The following NCOR2 variants were observed in gnomAD, a reference collection of about 807,000 sequenced individuals.
NCOR2 encodes the protein nuclear receptor corepressor 2, also known as CTG repeat protein 26.
NCOR2 carries 81 observed loss-of-function variants against 262.9 expected under a neutral mutation model. The ratio of observed to expected loss-of-function variants is 0.31; its 90% CI spans 0.26 to 0.37. The LOEUF is 0.37. Ranked by LOEUF, NCOR2 falls within the 10% of genes least tolerant of loss-of-function variation. The probability of loss-of-function intolerance (pLI) is 1.00; values close to 1 mark genes in which losing one functional copy is unlikely to be tolerated. For synonymous variants in NCOR2, 1,659 were observed against 1,559.3 expected, an observed-to-expected ratio of 1.06 and a Z score of -1.51; for missense variants, 3,385 against 3,621.4, an observed-to-expected ratio of 0.93 and a Z score of 1.68.
rs2038786985 is a variant in NCOR2 at position 124,363,589 on chromosome 12, C to T, written c.2928+90G>A. 1.5e-5 allele frequency: 18 copies of T among 1,174,980 alleles called. No individual in the cohort carries two copies. In the South Asian group the frequency reaches 5.6e-4, roughly 36 times the overall value. The allele number at this position is 1,174,980 out of a possible 1,614,324, so 72.8% of individuals were successfully genotyped here. Reference sequence around the variant, plus strand: ...AAGCGGATGAGCTAGGCTGCAGGTGCATGCTCCCGCCCGTGGGATTCTCTG... The same window carrying T: ...AAGCGGATGAGCTAGGCTGCAGGTGTATGCTCCCGCCCGTGGGATTCTCTG... On this transcript the variant is annotated intron_variant, in intron 21 of 46. Coordinates refer to ENST00000405201, the Ensembl canonical transcript of NCOR2.
At chr12:124,336,880 C>T (rs538165631) in exon 38 of NCOR2, 141 of 1,609,246 alleles carry the variant, frequency 8.8e-5, no homozygotes, top group Non-Finnish European at 1.0e-4. Context: ...CGAGGTTCTT[C>T]GCAGGGGTGC....
exon 47 of NCOR2, chr12:124,325,468 G>A (rs766809851): frequency 8.1e-6 from 11 of 1,350,684 alleles, no homozygotes; most frequent in East Asian, 6.2e-5. Flanking sequence ...CGTCCCAGGC[G>A]TGGTGGGGGC....
chr12:124,527,164 C>A (rs537906333), intron 1 of NCOR2, among the ~76,000 whole-genome samples: 18 of 152,158 alleles, frequency 1.2e-4, no homozygotes, highest in Non-Finnish European at 1.9e-4. Flanking sequence ...CAGCAAATCC[C>A]TGAACAGGCC....
intron 1 of NCOR2, among the ~76,000 whole-genome samples, chr12:124,560,804 G>C (rs1226415223): frequency 6.6e-6 from 1 of 152,144 alleles, no homozygotes; most frequent in Admixed American, 6.5e-5. Context: ...TTTTTTACAA[G>C]TCAATGCATT....
intron 1 of NCOR2, among the ~76,000 whole-genome samples, chr12:124,520,597 A>G (rs1482376888): frequency 6.6e-6 from 1 of 152,016 alleles, no homozygotes; most frequent in Non-Finnish European, 1.5e-5. Flanking sequence ...CCCGCCAGAC[A>G]CTCCGCAGCA....
chr12:124,449,892 A>G, intron 6 of NCOR2, 25 bp from the exon 9 acceptor site: 4 of 1,612,192 alleles, frequency 2.5e-6, no homozygotes, highest in Non-Finnish European at 3.4e-6. Context: ...AGAGAAGCAC[A>G]TCAGAGCCTG....
Position 124,335,202 on chromosome 12 carries a change from G to A in NCOR2, c.6344C>T (p.Pro2115Leu), listed in dbSNP as rs199899276. The A allele has an allele frequency of 3.5e-5, 57 of 1,611,020 alleles. No individual in the cohort carries two copies. Among genetic ancestry groups the A allele is most frequent in the Non-Finnish European group, 4.6e-5 (54 of 1,179,836 alleles). The change falls in exon 40 of 47, where the codon CCG becomes CTG. Residue 2115 changes from proline to leucine, a missense_variant. Physicochemically the swap from Pro to Leu is moderately conservative, Grantham distance 98 (BLOSUM62 -3). Transcript: ENST00000405201. ...GACCCCTGGGGCGGTCTGGAGCAGC[G>A]GGCTGGACGAGGGCTGGCTCTCAGG...
intron 3 of NCOR2, among the ~76,000 whole-genome samples, chr12:124,476,671 C>T (rs1460724864): frequency 1.3e-5 from 2 of 152,206 alleles, no homozygotes; most frequent in African/African-American, 2.4e-5. Flanking sequence ...CCTTTAAACT[C>T]TCCATGGATA....
At chr12:124,501,056 ACGCG>A (rs1203168465) in intron 1 of NCOR2, among the ~76,000 whole-genome samples, 4 of 49,386 alleles carry the variant, frequency 8.1e-5, no homozygotes, top group South Asian at 7.3e-4. Flanking sequence ...GCGCGCGCGC[ACGCG>A]CGCACACACA....
intron 17 of NCOR2, among the ~76,000 whole-genome samples, chr12:124,384,000 G>A (rs1050210339): frequency 2.0e-5 from 3 of 152,144 alleles, no homozygotes; most frequent in Non-Finnish European, 2.9e-5. Context: ...GTCCATGGTC[G>A]TGGGGTGAGG....
At chr12:124,359,109 G>A (rs926659102) in intron 22 of NCOR2, among the ~76,000 whole-genome samples, 6 of 152,208 alleles carry the variant, frequency 3.9e-5, no homozygotes, top group African/African-American at 1.4e-4. Context: ...CCGGGGCTCA[G>A]GCCTGGCTTC....
chr12:124,518,509 C>T (rs914112424), intron 1 of NCOR2, among the ~76,000 whole-genome samples: 12 of 152,276 alleles, frequency 7.9e-5, no homozygotes, highest in Admixed American at 2.0e-4. Context: ...CCTGACCCCA[C>T]GGCTGGGCCG....
intron 13 of NCOR2, among the ~76,000 whole-genome samples, chr12:124,415,241 C>T (rs1328112236): frequency 1.3e-5 from 2 of 152,228 alleles, no homozygotes; most frequent in Non-Finnish European, 2.9e-5. Context: ...CGTCCGTCAC[C>T]GCAGCCTTCC....
At chr12:124,485,919 C>T (rs960514647) in intron 2 of NCOR2, among the ~76,000 whole-genome samples, 2 of 151,864 alleles carry the variant, frequency 1.3e-5, no homozygotes, top group African/African-American at 2.4e-5. Flanking sequence ...CCAGCCCTGG[C>T]CCTCCCCTTG....
At chr12:124,496,016 C>A, upstream of NCOR2, among the ~76,000 whole-genome samples, 1 of 152,270 alleles carries the variant, frequency 6.6e-6, no homozygotes, top group East Asian at 1.9e-4. The surrounding 1 kb of genome is among the most constrained non-coding windows in gnomAD (Gnocchi z 4.4). Context: ...TCGGGCCCTG[C>A]AGCCTAGGGA....
intron 3 of NCOR2, among the ~76,000 whole-genome samples, chr12:124,473,981 G>A (rs957643220): frequency 6.6e-5 from 10 of 152,076 alleles, no homozygotes; most frequent in African/African-American, 1.9e-4. Flanking sequence ...TTCAAGATGC[G>A]GTTCAAATGC....
intron 28 of NCOR2, 92 bp from the exon 31 acceptor site, chr12:124,348,406 C>A: frequency 6.8e-7 from 1 of 1,471,438 alleles, no homozygotes; most frequent in Non-Finnish European, 9.1e-7. Flanking sequence ...TAGGCAGGAG[C>A]CAGCAGTGCT....
At chr12:124,476,260 G>A (rs1225529015) in intron 3 of NCOR2, among the ~76,000 whole-genome samples, 5 of 152,202 alleles carry the variant, frequency 3.3e-5, no homozygotes, top group African/African-American at 1.2e-4. Flanking sequence ...CACCGCCCAG[G>A]CCCTCACTGC....
chr12:124,520,547 A>C (rs1389879563), intron 1 of NCOR2, among the ~76,000 whole-genome samples: 1 of 152,126 alleles, frequency 6.6e-6, no homozygotes, highest in African/African-American at 2.4e-5. Context: ...GACACTGGGC[A>C]TGTCTCTTCA....
Sources: gnomAD v4.1 joint callset for allele counts (sites outside exome capture counted in the v4.1 genomes callset) on GRCh38, gnomAD v4.1.1 for gene constraint, Gnocchi (gnomAD v3.1) non-coding constraint, MANE v1.5 for transcripts, NCBI Gene and HGNC (gene_info 2026-07-23, HGNC 2026-07-21) for gene names.